The following SPATS2L variants were observed in gnomAD, a reference collection of about 807,000 sequenced individuals.
SPATS2L encodes SPATS2-like protein.
SPATS2L carries 30 observed loss-of-function variants against 59.6 expected under a neutral mutation model. The ratio of observed to expected loss-of-function variants is 0.50; its 90% CI spans 0.38 to 0.68. The LOEUF is 0.68. Among genes scored for constraint, SPATS2L ranks in the 30% least tolerant of loss-of-function variants. The probability of loss-of-function intolerance (pLI) is 0.00; values close to 1 mark genes in which losing one functional copy is unlikely to be tolerated. For missense variants in SPATS2L, 615 were observed against 700.0 expected (o/e 0.88, Z 1.37); for synonymous variants, 252 against 263.5 (o/e 0.96, Z 0.42).
At chr2:200,385,683 C>A (rs2081967278) in intron 2 of SPATS2L, among the ~76,000 whole-genome samples, 1 of 152,052 alleles carries the variant, frequency 6.6e-6, no homozygotes, top group Admixed American at 6.5e-5. Context: ...ACTATCTAGT[C>A]ACTTAAACTT....
intron 8 of SPATS2L, among the ~76,000 whole-genome samples, chr2:200,446,806 A>C (rs530593414): frequency 5.3e-5 from 8 of 152,204 alleles, no homozygotes; most frequent in Admixed American, 1.3e-4. Context: ...ACATACCCAA[A>C]GAAACACTAT....
chr2:200,310,003 T>G (rs1223964579), intron 1 of SPATS2L, among the ~76,000 whole-genome samples: 1 of 152,230 alleles, frequency 6.6e-6, no homozygotes, highest in Non-Finnish European at 1.5e-5. Flanking sequence ...AATTTTTTAT[T>G]ATTTTTGATA....
upstream of SPATS2L, chr2:200,306,592 T>A: frequency 2.0e-6 from 2 of 995,700 alleles, no homozygotes; most frequent in Non-Finnish European, 2.4e-6. Context: ...GGCTGGGGTG[T>A]GTGCTCCTGG....
chr2:200,329,503 T>C (rs1251562440), intron 2 of SPATS2L, 23 bp downstream of exon 2: 1 of 1,546,158 alleles, frequency 6.5e-7, no homozygotes, highest in Admixed American at 2.0e-5. Flanking sequence ...GGTCCTTCCC[T>C]CTCTGTGACC....
intron 3 of SPATS2L, among the ~76,000 whole-genome samples, chr2:200,406,874 C>A (rs2082705384): frequency 6.6e-6 from 1 of 151,860 alleles, no homozygotes; most frequent in South Asian, 2.1e-4. Context: ...TGTTAACCAC[C>A]CTAAAGATAG....
intron 2 of SPATS2L, among the ~76,000 whole-genome samples, chr2:200,331,440 T>TCCC (rs1425473957): frequency 1.3e-5 from 2 of 152,188 alleles, no homozygotes; most frequent in African/African-American, 4.8e-5. Context: ...TAGATGTTTT[T>TCCC]CCCCCTAGGA....
At chr2:200,310,145 C>CT (rs1229272054) in intron 1 of SPATS2L, among the ~76,000 whole-genome samples, 2 of 152,146 alleles carry the variant, frequency 1.3e-5, no homozygotes, top group East Asian at 3.8e-4. Context: ...AATTAATAGA[C>CT]TTTTTATGGT....
At chr2:200,333,703 C>G (rs2105802009) in intron 2 of SPATS2L, among the ~76,000 whole-genome samples, 1 of 151,934 alleles carries the variant, frequency 6.6e-6, no homozygotes, top group Non-Finnish European at 1.5e-5. Context: ...CTTCCTGTGT[C>G]CAAGTGTTCT....
intron 10 of SPATS2L, among the ~76,000 whole-genome samples, chr2:200,469,028 A>G (rs1347229627): frequency 6.6e-6 from 1 of 152,232 alleles, no homozygotes; most frequent in East Asian, 1.9e-4. Context: ...TAAGTTACAC[A>G]TTCTCTTAGA....
rs1474812925 is a variant in SPATS2L, at chr2:200,471,068, G to C, written c.1060+1052G>C. Among the ~76,000 whole-genome samples, 11 of 152,196 alleles carry C rather than the reference G, an allele frequency of 7.2e-5. No individual in the cohort carries two copies. The East Asian group carries it at 2.1e-3, about 29-fold the overall frequency. The stretch of plus-strand genomic sequence containing the variant: ...CCAGCTACTTGGGAGGCTGAGGCAG[G>C]AGAATCACTTGAACCTGGACCCGGG... On this transcript the variant is annotated intron_variant, in intron 11 of 12. Transcript: ENST00000409140.
intron 2 of SPATS2L, among the ~76,000 whole-genome samples, chr2:200,356,633 C>T (rs1006849344): frequency 2.6e-5 from 4 of 152,096 alleles, no homozygotes; most frequent in African/African-American, 9.7e-5. Flanking sequence ...AGCAATATAA[C>T]TTATCAACTA....
chr2:200,369,402 G>T (rs528797915), intron 2 of SPATS2L, among the ~76,000 whole-genome samples: 6 of 152,000 alleles, frequency 3.9e-5, no homozygotes, highest in Admixed American at 3.3e-4. Flanking sequence ...TAAGTGATCC[G>T]CCCACCTTGG....
At chr2:200,346,349 G>C (rs1008222363) in intron 2 of SPATS2L, among the ~76,000 whole-genome samples, 5 of 152,130 alleles carry the variant, frequency 3.3e-5, no homozygotes, top group Non-Finnish European at 7.4e-5. Context: ...TTAGGTCCAA[G>C]TTTTTCTCCT....
At chr2:200,439,504 T>A (rs925531057) in intron 7 of SPATS2L, among the ~76,000 whole-genome samples, 176 bp downstream of exon 7, 7 of 152,198 alleles carry the variant, frequency 4.6e-5, no homozygotes, top group Non-Finnish European at 1.0e-4. Flanking sequence ...TCCCATGTAA[T>A]CAAAGGTCTT....
chr2:200,420,236 G>T (rs1222096661), intron 6 of SPATS2L, among the ~76,000 whole-genome samples: 2 of 150,276 alleles, frequency 1.3e-5, no homozygotes, highest in Non-Finnish European at 2.9e-5. Flanking sequence ...GAATCTACTA[G>T]ATCAGTGCTT....
chr2:200,336,419 CACAT>C (rs1316111110), intron 2 of SPATS2L, among the ~76,000 whole-genome samples: 1 of 151,948 alleles, frequency 6.6e-6, no homozygotes, highest in East Asian at 1.9e-4. Flanking sequence ...AAAAAAAAGA[CACAT>C]ACAAAATGTG....
intron 2 of SPATS2L, among the ~76,000 whole-genome samples, chr2:200,363,240 G>C (rs1029348502): frequency 6.6e-6 from 1 of 151,734 alleles, no homozygotes; most frequent in African/African-American, 2.4e-5. Context: ...TATAAAATCT[G>C]CATTACTTCA....
intron 5 of SPATS2L, among the ~76,000 whole-genome samples, chr2:200,417,186 C>T (rs1387269517): frequency 6.6e-6 from 1 of 152,170 alleles, no homozygotes; most frequent in Non-Finnish European, 1.5e-5. Context: ...TATAGTACGC[C>T]AGTCTACCCT....
At chr2:200,466,912 C>T (rs1014254171) in intron 9 of SPATS2L, among the ~76,000 whole-genome samples, 4 of 152,208 alleles carry the variant, frequency 2.6e-5, no homozygotes, top group African/African-American at 7.2e-5. Flanking sequence ...GCTTAGTAGA[C>T]TTCCTGTCTT....
Sources: gnomAD v4.1 joint callset for allele counts (sites outside exome capture counted in the v4.1 genomes callset) on GRCh38, gnomAD v4.1.1 for gene constraint, MANE v1.5 for transcripts, NCBI Gene and HGNC (gene_info 2026-07-23, HGNC 2026-07-21) for gene names.